Variants in MED23 observed in about 807,000 individuals in gnomAD.
MED23 encodes mediator of RNA polymerase II transcription subunit 23.
MED23 carries 105 observed loss-of-function variants against 163.9 expected under a neutral mutation model. The observed-to-expected ratio is 0.64, with a 90% CI of 0.55 to 0.75. The LOEUF (loss-of-function observed/expected upper bound fraction) is 0.75. MED23 is among the 30% of genes least tolerant of loss of function. The pLI is 0.00. For missense variants in MED23, 1,054 were observed against 1,649.0 expected, an observed-to-expected ratio of 0.64 and a Z score of 6.25; for synonymous variants, 561 against 565.6, an observed-to-expected ratio of 0.99 and a Z score of 0.12.
rs934043100 is a variant in MED23, at chr6:131,605,849, T to C, written c.1368-364A>G. Among the ~76,000 whole-genome samples, 10 of 152,268 alleles carry C rather than the reference T, an allele frequency of 6.6e-5. No individual in the cohort carries two copies. The South Asian group carries it at 1.5e-3, about 22-fold the overall frequency. On this transcript the variant is annotated intron_variant, in intron 13 of 28. Coordinates refer to ENST00000368068, the MANE Select transcript of MED23 (RefSeq NM_004830.4). Reference sequence around the variant, plus strand: ...AATGTCTTCATTACAGATACCACTATGAAAAGGTGGTTAAGGGCTGTCTCA... The same window carrying C: ...AATGTCTTCATTACAGATACCACTACGAAAAGGTGGTTAAGGGCTGTCTCA...
At chr6:131,591,832 T>C (rs1774660968) in intron 25 of MED23, 1 of 325,432 alleles carries the variant, frequency 3.1e-6, no homozygotes, top group Non-Finnish European at 5.6e-6. Flanking sequence ...TTAAAAATAA[T>C]AAACTTTAAA....
At chr6:131,603,244 G>T in intron 15 of MED23, 40 bp from the exon 16 acceptor site, 2 of 1,588,304 alleles carry the variant, frequency 1.3e-6, no homozygotes, top group South Asian at 1.1e-5. Flanking sequence ...ATTATTAAAG[G>T]CTATGCATGA....
intron 16 of MED23, 63 bp from the exon 17 acceptor site, chr6:131,602,444 G>T: frequency 1.4e-6 from 2 of 1,444,398 alleles, no homozygotes; most frequent in Non-Finnish European, 1.9e-6. Flanking sequence ...TTAAATCTAA[G>T]GTTAATTACA....
Position 131,605,502 on chromosome 6 carries a change from C to A in MED23, c.1368-17G>T, listed in dbSNP as rs1275118933. On this transcript the variant is annotated splice_polypyrimidine_tract_variant and intron_variant, in intron 13 of 28. Transcript: ENST00000368068. The stretch of plus-strand genomic sequence containing the variant: ...TGCAGGAACCTAAATATTCACGTTC[C>A]ATTAAAAAGAAAAAATGAAAATAAC... The A allele has an allele frequency of 6.5e-7, 1 of 1,541,538 alleles. No individual in the cohort carries two copies. The highest frequency in any genetic ancestry group is 1.3e-5 in the South Asian group (1 of 79,328).
intron 14 of MED23, among the ~76,000 whole-genome samples, chr6:131,604,965 C>G (rs1334940972): frequency 6.6e-6 from 1 of 152,010 alleles, no homozygotes; most frequent in African/African-American, 2.4e-5. Flanking sequence ...AGTCCTCATT[C>G]TTAACTATCT....
intron 15 of MED23, 71 bp downstream of exon 15, chr6:131,604,107 G>C: frequency 6.5e-7 from 1 of 1,530,954 alleles, no homozygotes. Flanking sequence ...TGTGTCCCCA[G>C]GACCTAGAAA....
Position 131,590,434 on chromosome 6 carries a change from G to T in MED23, c.3695C>A (p.Thr1232Asn). 1 of 1,603,576 alleles carries T rather than the reference G, an allele frequency of 6.2e-7. No individual in the cohort carries two copies. The highest frequency in any genetic ancestry group is 8.5e-7 in the Non-Finnish European group (1 of 1,171,420). ...GQLSLIPKFL[T>N]EVLLPIVKTE... ...CTTCACTATAGGAAGAAGTACTTCA[G>T]TAAGAAACCTAAAATTTGAAGATAA... is the stretch of plus-strand genomic sequence containing the variant. The change falls in exon 27 of 29, where the codon ACT (threonine) becomes AAT (asparagine). Residue 1232 changes from threonine (T) to asparagine (N), a missense_variant. By Grantham distance (65) the Thr-to-Asn change is moderately conservative. This residue lies in a region of MED23 where 362 missense variants were observed against 471.6 expected (regional missense o/e 0.77). Transcript: ENST00000368068.
At chr6:131,614,548 G>GACTGTTAATCAAAC (rs1776523082) in intron 10 of MED23, among the ~76,000 whole-genome samples, 1 of 152,146 alleles carries the variant, frequency 6.6e-6, no homozygotes, top group African/African-American at 2.4e-5. Flanking sequence ...ACAGACTTGG[G>GACTGTTAATCAAAC]ACTGTTAAGA....
intron 14 of MED23, 133 bp downstream of exon 14, chr6:131,605,102 TAATAA>T: frequency 1.2e-6 from 1 of 841,068 alleles, no homozygotes; most frequent in Non-Finnish European, 1.8e-6. Context: ...TTTACTTTTG[TAATAA>T]AATAAAGCTA....
intron 10 of MED23, chr6:131,615,449 A>G (rs1776606782): frequency 6.9e-6 from 6 of 874,688 alleles, no homozygotes; most frequent in Admixed American, 2.0e-5. Context: ...AGGAACCCAG[A>G]GTCAGCACAA....
At chr6:131,625,872 C>G (rs1203838658) in intron 3 of MED23, among the ~76,000 whole-genome samples, 1 of 151,908 alleles carries the variant, frequency 6.6e-6, no homozygotes, top group African/African-American at 2.4e-5. Context: ...CCTGTAATCC[C>G]AGCACTTTGG....
rs1774278107 is a variant in MED23, at chr6:131,587,777, T to C, written c.4009A>G (p.Lys1337Glu). Residue 1337 changes from lysine to glutamate, a missense_variant, in exon 29 of 29, where the codon AAG (lysine) becomes GAG (glutamate). Around this residue, in one of 11 missense-constraint regions of MED23, gnomAD observed 362 missense variants for 471.6 expected, o/e 0.77. Transcript: ENST00000368068. ...GGAGGCACTGCAGCTGGCTCCATCT[T>C]GCTAATGTGTGTGATGAATCGAAGA... ...LRLRFITHIS[K>E]MEPAAVPPQA... 7 of 1,614,134 alleles carry C rather than the reference T, an allele frequency of 4.3e-6. No individual in the cohort carries two copies. Among genetic ancestry groups the C allele is most frequent in the Non-Finnish European group, 5.9e-6 (7 of 1,179,986 alleles).
Position 131,593,127 on chromosome 6 carries a change from T to TC in MED23, c.3276dup (p.Arg1093GlufsTer4). 6.2e-7 allele frequency: 1 copy of TC among 1,614,164 alleles called. No homozygotes were observed. Among genetic ancestry groups the TC allele is most frequent in the Non-Finnish European group, 8.5e-7 (1 of 1,180,014 alleles). ...GCTGGGTTGGGAAACTCATTGAATC[T>TC]CCAGTCACAGTTTGGAAAGGGACCA... On this transcript the variant is annotated frameshift_variant, in exon 24 of 29. Transcript: ENST00000368068. LOFTEE classifies it high-confidence loss of function.
chr6:131,580,569 G>T (rs908619104), intron 30 of MED23, among the ~76,000 whole-genome samples: 2 of 152,168 alleles, frequency 1.3e-5, no homozygotes, highest in Non-Finnish European at 2.9e-5. Flanking sequence ...TAACTTCTGT[G>T]CAAGATATCA....
rs547138079 is a variant in MED23, at chr6:131,598,771, G to A, written c.2221-10C>T. 1.2e-6 allele frequency: 2 copies of A among 1,611,316 alleles called. No individual in the cohort carries two copies. The highest frequency in any genetic ancestry group is 1.7e-6 in the Non-Finnish European group (2 of 1,177,548). Reference sequence around the variant, plus strand: ...TTTGTTTGAAGAATGCCTAAAAAGAGGATTAGAAGTTTATTTCATTGGTTA... The same window carrying A: ...TTTGTTTGAAGAATGCCTAAAAAGAAGATTAGAAGTTTATTTCATTGGTTA... On this transcript the variant is annotated splice_polypyrimidine_tract_variant and intron_variant, in intron 18 of 28. Transcript: ENST00000368068. This position sits in a 1 kb window ranked among gnomAD's most constrained non-coding sequence, Gnocchi z 4.7.
At chr6:131,623,290 T>C in intron 5 of MED23, 61 bp downstream of exon 5, 1 of 1,294,548 alleles carries the variant, frequency 7.7e-7, no homozygotes, top group South Asian at 1.2e-5. Context: ...AAATAAGACA[T>C]GCACACCGAA....
At chr6:131,612,210 A>C (rs1159697624) in intron 10 of MED23, among the ~76,000 whole-genome samples, 2 of 152,006 alleles carry the variant, frequency 1.3e-5, no homozygotes, top group Non-Finnish European at 2.9e-5. Flanking sequence ...TTTGGTTAAA[A>C]CCAAGGATAT....
chr6:131,582,474 CTTAA>C (rs1773976742), downstream of MED23: 1 of 700,736 alleles, frequency 1.4e-6, no homozygotes, highest in Non-Finnish European at 2.4e-6. Flanking sequence ...ACATCCTCTT[CTTAA>C]TTGTGTATTA....
At position 131,598,624 on chromosome 6, in the gene MED23, AG is replaced by A; in HGVS notation, c.2357del (p.Pro786LeufsTer26). The A allele has an allele frequency of 6.2e-7, 1 of 1,614,152 alleles. No individual in the cohort carries two copies. The highest frequency in any genetic ancestry group is 8.5e-7 in the Non-Finnish European group (1 of 1,180,020). On this transcript the variant is annotated frameshift_variant, in exon 19 of 29. Coordinates refer to ENST00000368068, the MANE Select transcript of MED23 (RefSeq NM_004830.4). LOFTEE classifies it high-confidence loss of function. This position sits in a 1 kb window ranked among gnomAD's most constrained non-coding sequence, Gnocchi z 4.7. The stretch of plus-strand genomic sequence containing the variant: ...TCCAGAGAAGACAAAGAAAGAGAGG[AG>A]GGGAGCCCTGCATAGAGAAGTGGGT... The part of the protein sequence containing the change: ...IITHFSMQGS[P>X]PLFLCLLWKM...
Sources: gnomAD v4.1 joint callset for allele counts (sites outside exome capture counted in the v4.1 genomes callset) on GRCh38, gnomAD v4.1.1 for gene constraint, gnomAD v4.1.1 regional missense constraint, Gnocchi (gnomAD v3.1) non-coding constraint, MANE v1.5 for transcripts, NCBI Gene and HGNC (gene_info 2026-07-23, HGNC 2026-07-21) for gene names.